Variants in PLCXD3 observed in about 807,000 individuals in gnomAD.
PLCXD3 encodes the protein phosphatidylinositol specific phospholipase C X domain containing 3.
In PLCXD3, 19 loss-of-function variants were observed where a neutral mutation model predicts 25.5. The ratio of observed to expected loss-of-function variants is 0.75; its 90% CI spans 0.52 to 1.09. The LOEUF (loss-of-function observed/expected upper bound fraction) is 1.09, where lower values mean the gene tolerates loss of function less well. Ranked by LOEUF, PLCXD3 falls within the 50% of genes least tolerant of loss-of-function variation. The pLI is 0.00. For missense variants in PLCXD3, 411 were observed against 388.1 expected (o/e 1.06, Z -0.50); for synonymous variants, 174 against 137.6 (o/e 1.26, Z -1.85).
chr5:41,311,705 T>C lies in PLCXD3; in HGVS notation c.*1912A>G, dbSNP rs1743139733. 1 of 152,206 alleles carries C rather than the reference T, an allele frequency of 6.6e-6. No homozygotes were observed. Among genetic ancestry groups the C allele is most frequent in the Non-Finnish European group, 1.5e-5 (1 of 68,016 alleles). The allele number at this position is 152,206 out of a possible 1,614,324, so 9.4% of individuals were successfully genotyped here. The stretch of plus-strand genomic sequence containing the variant: ...ACATACACACTCCTCATAAACATTC[T>C]CTTCAGTATAAACAATTTCTTTTCC... On this transcript the variant is annotated 3_prime_UTR_variant, in exon 3 of 3. Coordinates refer to ENST00000377801, the MANE Select transcript of PLCXD3 (RefSeq NM_001005473.3).
At chr5:41,435,927 C>T (rs1048444072) in intron 1 of PLCXD3, among the ~76,000 whole-genome samples, 5 of 152,194 alleles carry the variant, frequency 3.3e-5, no homozygotes, top group African/African-American at 1.2e-4. Flanking sequence ...TCACTCTATA[C>T]CACCTACTGA....
Position 41,337,179 on chromosome 5 carries a change from C to A in PLCXD3, c.813-23409G>T, listed in dbSNP as rs567675982. ...TTAGGCAGTGTACCGTACATACCCA[C>A]GTGGGTACCTCTACTTCCTCTGGCA... On this transcript the variant is annotated intron_variant, in intron 2 of 2. Transcript: ENST00000377801. Among the ~76,000 whole-genome samples the A allele has an allele frequency of 2.5e-4, 38 of 152,250 alleles. 1 individual carries two copies. The South Asian group carries it at 7.9e-3, about 32-fold the overall frequency.
chr5:41,342,956 G>A (rs1484104146), intron 2 of PLCXD3, among the ~76,000 whole-genome samples: 1 of 152,118 alleles, frequency 6.6e-6, no homozygotes, highest in Non-Finnish European at 1.5e-5. Flanking sequence ...ATGGGTCCTA[G>A]AAGTCTACAG....
rs1462426865 is a variant in PLCXD3, at chr5:41,310,595, T to G, written c.*3022A>C. 6.6e-6 allele frequency: 1 copy of G among 152,652 alleles called. No individual in the cohort carries two copies. Among genetic ancestry groups the G allele is most frequent in the Non-Finnish European group, 1.5e-5 (1 of 68,088 alleles). The allele number at this position is 152,652 out of a possible 1,614,324, so 9.5% of individuals were successfully genotyped here. ...ATAAGCTTCGATTGCATATCACCAT[T>G]TTTTACTTTTGGAAGGCCCGCAGCC... On this transcript the variant is annotated 3_prime_UTR_variant, in exon 3 of 3. Coordinates refer to ENST00000377801, the MANE Select transcript of PLCXD3 (RefSeq NM_001005473.3).
At chr5:41,335,928 A>C (rs144243825) in intron 2 of PLCXD3, among the ~76,000 whole-genome samples, 8 of 152,264 alleles carry the variant, frequency 5.3e-5, no homozygotes, top group South Asian at 2.1e-4. Flanking sequence ...ATTGGCACAC[A>C]TTCCAATTCT....
At chr5:41,417,158 T>C (rs889451000) in intron 1 of PLCXD3, among the ~76,000 whole-genome samples, 10 of 152,178 alleles carry the variant, frequency 6.6e-5, no homozygotes, top group Admixed American at 3.3e-4. Flanking sequence ...TTGTAAATCA[T>C]AGGGCTCCCT....
chr5:41,465,971 T>A (rs1029744116), intron 1 of PLCXD3, among the ~76,000 whole-genome samples: 3 of 152,104 alleles, frequency 2.0e-5, no homozygotes, highest in Non-Finnish European at 4.4e-5. Context: ...TCTAATTACG[T>A]CATTTTTACC....
chr5:41,381,074 G>C (rs1187482258), intron 2 of PLCXD3, among the ~76,000 whole-genome samples: 3 of 152,036 alleles, frequency 2.0e-5, no homozygotes, highest in Non-Finnish European at 4.4e-5. Context: ...ACTGTTGAAG[G>C]GGTCTTAAGA....
intron 1 of PLCXD3, among the ~76,000 whole-genome samples, chr5:41,397,115 G>A (rs967417333): frequency 2.6e-5 from 4 of 152,212 alleles, no homozygotes; most frequent in African/African-American, 4.8e-5. Context: ...TGCATAAGAA[G>A]AGCCAAATGC....
At chr5:41,449,059 C>T (rs1453166349) in intron 1 of PLCXD3, among the ~76,000 whole-genome samples, 1 of 152,186 alleles carries the variant, frequency 6.6e-6, no homozygotes, top group Non-Finnish European at 1.5e-5. Flanking sequence ...CATGACTTCA[C>T]TGGACTCCTA....
intron 2 of PLCXD3, among the ~76,000 whole-genome samples, chr5:41,365,261 G>T (rs1409946034): frequency 6.6e-6 from 1 of 152,166 alleles, no homozygotes; most frequent in East Asian, 1.9e-4. Context: ...TCATATTTGA[G>T]TAGAGAAAAT....
In PLCXD3 at chr5:41,474,359, GAC is replaced by G. The variant is rs573785642; in HGVS notation, c.103+36063_103+36064del. The stretch of plus-strand genomic sequence containing the variant: ...CCCTCTGCATTCCTACTGGGTGGCA[GAC>G]ACAGTTTGTCAGTTTGCCAACATTC... On this transcript the variant is annotated intron_variant, in intron 1 of 2. Coordinates refer to ENST00000377801, the MANE Select transcript of PLCXD3 (RefSeq NM_001005473.3). 1.8e-4 allele frequency among the ~76,000 whole-genome samples: 27 copies of G among 152,304 alleles called. No individual in the cohort carries two copies. In the South Asian group the frequency reaches 5.4e-3, roughly 30 times the overall value.
At position 41,510,446 on chromosome 5, in the gene PLCXD3, G is replaced by A; in HGVS notation, c.81C>T (p.Pro27=). 6.2e-7 allele frequency: 1 copy of A among 1,610,114 alleles called. No individual in the cohort carries two copies. The highest frequency in any genetic ancestry group is 8.5e-7 in the Non-Finnish European group (1 of 1,178,194). ...ATLPESMHSI[P]LTNLAIPGSH... ...TACCTGGAATGGCTAAATTGGTGAG[G>A]GGGATGCTGTGCATGCTCTCCGGCA... is the stretch of plus-strand genomic sequence containing the variant. Residue 27 remains proline (P), a synonymous_variant, in exon 1 of 3, where the codon CCC becomes CCT. Coordinates refer to ENST00000377801, the MANE Select transcript of PLCXD3 (RefSeq NM_001005473.3).
At chr5:41,396,013 AC>A (rs397975889) in intron 1 of PLCXD3, among the ~76,000 whole-genome samples, 1 of 151,240 alleles carries the variant, frequency 6.6e-6, no homozygotes, top group Non-Finnish European at 1.5e-5. Flanking sequence ...AAAAAAAAAA[AC>A]CACAAAACAA....
intron 1 of PLCXD3, among the ~76,000 whole-genome samples, chr5:41,453,318 G>A (rs318077): frequency 0.66 from 99,987 of 151,166 alleles, 34,317 homozygotes; most frequent in Admixed American, 0.76. Context: ...ACTATTGGCT[G>A]TATGTTTTGC....
At chr5:41,425,799 A>G (rs1014252908) in intron 1 of PLCXD3, among the ~76,000 whole-genome samples, 6 of 152,182 alleles carry the variant, frequency 3.9e-5, no homozygotes, top group Admixed American at 3.3e-4. Flanking sequence ...ATGTGTTTTC[A>G]TAGCTTGATA....
rs1743107487 is a variant in PLCXD3 at position 41,310,467 on chromosome 5, C to T, written c.*3150G>A. The T allele has an allele frequency of 6.6e-6, 1 of 152,260 alleles. No individual in the cohort carries two copies. The highest frequency in any genetic ancestry group is 2.1e-4 in the South Asian group (1 of 4,824). The allele number at this position is 152,260 out of a possible 1,614,324, so 9.4% of individuals were successfully genotyped here. A position where few individuals can be genotyped will look rare whatever the true frequency, so the allele number is the denominator to read the frequency against. ...AGAAACAAGTAAAACAAAAAGTGCACCAAGGTGTATCTACCACCATCTTGG... is the reference window on the plus strand; with the variant it reads ...AGAAACAAGTAAAACAAAAAGTGCATCAAGGTGTATCTACCACCATCTTGG... On this transcript the variant is annotated 3_prime_UTR_variant, in exon 3 of 3. Transcript: ENST00000377801.
Position 41,382,013 on chromosome 5 carries a change from C to A in PLCXD3, c.625G>T (p.Gly209Trp), listed in dbSNP as rs760798700. The A allele has an allele frequency of 6.2e-7, 1 of 1,613,528 alleles. No homozygotes were observed. Among genetic ancestry groups the A allele is most frequent in the Non-Finnish European group, 8.5e-7 (1 of 1,179,744 alleles). ...GCCCAGGGTGCTGGCATCATCTGCC[C>A]AGGCCAGAGAAAGGGCACTTCCAGA... The part of the protein sequence containing the change: ...VALEVPFLWP[G>W]QMMPAPWANT... Residue 209 changes from glycine (G) to tryptophan (W), a missense_variant, in exon 2 of 3, where the codon GGG (glycine) becomes TGG (tryptophan). By Grantham distance (184) the Gly-to-Trp change is radical. Transcript: ENST00000377801.
intron 1 of PLCXD3, among the ~76,000 whole-genome samples, chr5:41,500,769 T>A (rs546452026): frequency 6.6e-6 from 1 of 151,728 alleles, no homozygotes; most frequent in African/African-American, 2.4e-5. Context: ...AAAGAAATAA[T>A]CAACAGAATG....
Sources: allele counts gnomAD v4.1 joint callset (sites outside exome capture counted in the v4.1 genomes callset), GRCh38; gene constraint gnomAD v4.1.1; transcripts MANE v1.5; gene names NCBI Gene and HGNC (gene_info 2026-07-23, HGNC 2026-07-21).